The following KDM7A variants were observed in gnomAD, a reference collection of about 807,000 sequenced individuals.
KDM7A encodes lysine demethylase 7A, also known as lysine-specific demethylase 7A.
Under a neutral mutation model 114.8 loss-of-function variants are expected in KDM7A, and 28 were observed. That is an observed-to-expected ratio of 0.24 (90% confidence interval 0.18 to 0.33). The LOEUF (loss-of-function observed/expected upper bound fraction) is 0.33, where lower values mean the gene tolerates loss of function less well. KDM7A is among the 10% of genes least tolerant of loss of function. The probability of loss-of-function intolerance (pLI) is 1.00; values close to 1 mark genes in which losing one functional copy is unlikely to be tolerated. For missense variants in KDM7A, 942 were observed against 1,142.5 expected, an observed-to-expected ratio of 0.82 and a Z score of 2.53; for synonymous variants, 423 against 397.8, an observed-to-expected ratio of 1.06 and a Z score of -0.75.
chr7:140,084,827 GC>G lies in KDM7A; in HGVS notation c.*6266del, dbSNP rs1817895819. 1 of 151,926 alleles carries G rather than the reference GC, an allele frequency of 6.6e-6. No individual in the cohort carries two copies. Among genetic ancestry groups the G allele is most frequent in the Non-Finnish European group, 1.5e-5 (1 of 67,976 alleles). The allele number at this position is 151,926 out of a possible 1,614,324, so 9.4% of individuals were successfully genotyped here. A position where few individuals can be genotyped will look rare whatever the true frequency, so the allele number is the denominator to read the frequency against. Reference sequence around the variant, plus strand: ...ACATTTATACTTTCAAACAAAATGAGCAAAAAATACACTAAGTGCTAAAAAA... The same window carrying G: ...ACATTTATACTTTCAAACAAAATGAGAAAAAATACACTAAGTGCTAAAAAA... On this transcript the variant is annotated 3_prime_UTR_variant, in exon 20 of 20. Transcript: ENST00000397560.
At chr7:140,159,271 C>T (rs1362987031) in intron 1 of KDM7A, among the ~76,000 whole-genome samples, 2 of 152,052 alleles carry the variant, frequency 1.3e-5, no homozygotes, top group Non-Finnish European at 2.9e-5. Flanking sequence ...CACTTGAACC[C>T]GGGAGGTGGA....
chr7:140,103,456 TC>T (rs36126233), intron 11 of KDM7A, among the ~76,000 whole-genome samples: 49,888 of 147,672 alleles, frequency 0.34, 8,484 homozygotes, highest in Middle Eastern at 0.44. Flanking sequence ...ATGTTATCCC[TC>T]CCCCCCCCTC....
intron 1 of KDM7A, among the ~76,000 whole-genome samples, chr7:140,146,887 CTCTCGGATAACACTCTCATTTATAT>C (rs1220642824): frequency 2.6e-5 from 4 of 151,964 alleles, no homozygotes; most frequent in African/African-American, 9.7e-5. Context: ...CTCTTTTTTC[CTCTCGGATAACACTCTCATTTATAT>C]TCTCTACTCT....
At chr7:140,101,378 A>C (rs528583191) in intron 12 of KDM7A, among the ~76,000 whole-genome samples, 244 of 152,162 alleles carry the variant, frequency 1.6e-3, no homozygotes, top group Non-Finnish European at 3.0e-3. Flanking sequence ...GGCTTTCTGC[A>C]TTTGCTCTTC....
intron 1 of KDM7A, among the ~76,000 whole-genome samples, chr7:140,160,920 A>C (rs1794512226): frequency 6.6e-6 from 1 of 152,202 alleles, no homozygotes; most frequent in Admixed American, 6.5e-5. Context: ...GCGTTCACCC[A>C]GTCACCATGG....
rs772586001 is a variant in KDM7A, at chr7:140,101,931, T to C, written c.1638+20A>G. ...GGAACAGCCAAGTTTCTTTTTGTTG[T>C]CATGAAACATAATACTTGCCTCTTC... On this transcript the variant is annotated intron_variant, in intron 12 of 19. Coordinates refer to ENST00000397560, the MANE Select transcript of KDM7A (RefSeq NM_030647.2). 1 of 1,536,778 alleles carries C rather than the reference T, an allele frequency of 6.5e-7. No individual in the cohort carries two copies. The highest frequency in any genetic ancestry group is 1.4e-5 in the African/African-American group (1 of 73,018).
chr7:140,153,556 GA>G (rs1292523002), intron 1 of KDM7A, among the ~76,000 whole-genome samples: 1 of 152,106 alleles, frequency 6.6e-6, no homozygotes, highest in Non-Finnish European at 1.5e-5. Flanking sequence ...ATCAATGGGG[GA>G]AATCACAATT....
At chr7:140,160,754 G>A (rs1450938187) in intron 1 of KDM7A, among the ~76,000 whole-genome samples, 1 of 152,146 alleles carries the variant, frequency 6.6e-6, no homozygotes, top group African/African-American at 2.4e-5. Context: ...TTCAGACTGG[G>A]GATAAGACCT....
intron 11 of KDM7A, among the ~76,000 whole-genome samples, chr7:140,108,246 G>A (rs555495970): frequency 1.3e-4 from 20 of 152,094 alleles, no homozygotes; most frequent in Admixed American, 1.3e-3. Flanking sequence ...AGAGAAGTTT[G>A]TTATTACTGA....
chr7:140,127,922 T>C (rs889680835), intron 4 of KDM7A, among the ~76,000 whole-genome samples: 3 of 152,164 alleles, frequency 2.0e-5, no homozygotes, highest in African/African-American at 7.2e-5. Context: ...CATGTAGAAA[T>C]TGTGCAACAC....
chr7:140,169,651 G>A (rs536127138), intron 1 of KDM7A, among the ~76,000 whole-genome samples: 17 of 152,018 alleles, frequency 1.1e-4, no homozygotes, highest in Admixed American at 3.3e-4. Context: ...TCAGCCTCCC[G>A]GATAGCTGGG....
At chr7:140,139,281 T>C in intron 1 of KDM7A, 91 bp from the exon 2 acceptor site, 1 of 777,356 alleles carries the variant, frequency 1.3e-6, no homozygotes, top group Non-Finnish European at 2.2e-6. Flanking sequence ...CTGAGAAATG[T>C]ACAACCACCT....
At chr7:140,171,474 ATATATT>A (rs1000170033) in intron 1 of KDM7A, among the ~76,000 whole-genome samples, 48 of 146,754 alleles carry the variant, frequency 3.3e-4, no homozygotes, top group Middle Eastern at 3.6e-3. Flanking sequence ...TCTCAAAAAT[ATATATT>A]TATATTTATA....
intron 1 of KDM7A, among the ~76,000 whole-genome samples, chr7:140,166,679 T>A (rs2116855761): frequency 6.6e-6 from 1 of 152,292 alleles, no homozygotes; most frequent in South Asian, 2.1e-4. Context: ...AAAGCTAGTA[T>A]CTTCCTTAAT....
At chr7:140,175,475 G>A (rs113422513) in intron 1 of KDM7A, among the ~76,000 whole-genome samples, 30 of 152,272 alleles carry the variant, frequency 2.0e-4, no homozygotes, top group African/African-American at 7.2e-4. Flanking sequence ...CTCTCGCCAA[G>A]AGACAACACC....
chr7:140,128,120 A>G (rs769120080), intron 4 of KDM7A, among the ~76,000 whole-genome samples: 18 of 152,300 alleles, frequency 1.2e-4, no homozygotes, highest in Non-Finnish European at 7.4e-5. Flanking sequence ...TTCTCCTTTA[A>G]GAAAAAATTA....
Position 140,150,515 on chromosome 7 carries a change from C to T in KDM7A, c.195-11325G>A, listed in dbSNP as rs576411891. On this transcript the variant is annotated intron_variant, in intron 1 of 19. Transcript: ENST00000397560. ...GGAATATGGAAAGATCTCCAAGATA[C>T]GCTTGCTGTAAAGCAACAAAAGCCA... Among the ~76,000 whole-genome samples, 10 of 152,296 alleles carry T rather than the reference C, an allele frequency of 6.6e-5. No individual in the cohort carries two copies. The South Asian group carries it at 1.2e-3, about 19-fold the overall frequency.
intron 3 of KDM7A, among the ~76,000 whole-genome samples, chr7:140,130,693 T>C (rs547225514): frequency 1.3e-5 from 2 of 152,122 alleles, no homozygotes; most frequent in African/African-American, 2.4e-5. Flanking sequence ...TCTACACAAC[T>C]ATCTAAAGTC....
intron 1 of KDM7A, among the ~76,000 whole-genome samples, chr7:140,159,514 G>C (rs1794494595): frequency 2.0e-5 from 3 of 152,140 alleles, no homozygotes; most frequent in Admixed American, 2.0e-4. Flanking sequence ...CTACAGCAAA[G>C]ACCACAATCT....
Sources: gnomAD v4.1 joint callset for allele counts (sites outside exome capture counted in the v4.1 genomes callset) on GRCh38, gnomAD v4.1.1 for gene constraint, MANE v1.5 for transcripts, NCBI Gene and HGNC (gene_info 2026-07-23, HGNC 2026-07-21) for gene names.